ANAPC1: variants seen among roughly 807,000 people sequenced by gnomAD.
The protein encoded by ANAPC1 is anaphase-promoting complex subunit 1.
A neutral mutation model predicts 208.0 loss-of-function variants in ANAPC1; 36 were observed. That is an observed-to-expected ratio of 0.17 (90% CI 0.13 to 0.23). The LOEUF (loss-of-function observed/expected upper bound fraction) is 0.23, where lower values mean the gene tolerates loss of function less well. Among genes scored for constraint, ANAPC1 ranks in the 10% least tolerant of loss-of-function variants. The pLI is 1.00. For missense variants in ANAPC1, 942 were observed against 2,011.6 expected, an observed-to-expected ratio of 0.47 and a Z score of 10.17; for synonymous variants, 378 against 695.2, an observed-to-expected ratio of 0.54 and a Z score of 7.18.
At chr2:111,860,500 T>A (rs1681999806) in intron 10 of ANAPC1, among the ~76,000 whole-genome samples, 1 of 141,574 alleles carries the variant, frequency 7.1e-6, no homozygotes. Flanking sequence ...CTACCCCACT[T>A]TCCCCCGCCA....
chr2:111,826,666 T>TA (rs890977190), intron 21 of ANAPC1, among the ~76,000 whole-genome samples: 4 of 43,982 alleles, frequency 9.1e-5, no homozygotes, highest in South Asian at 5.1e-4. Context: ...TATTTATTTA[T>TA]TTTTTTTTTT....
At chr2:111,849,108 G>A (rs1345503336) in intron 14 of ANAPC1, among the ~76,000 whole-genome samples, 4 of 152,182 alleles carry the variant, frequency 2.6e-5, no homozygotes, top group Non-Finnish European at 5.9e-5. Context: ...TCAAGACTAA[G>A]ATGTATTTAC....
chr2:111,821,279 C>G lies in ANAPC1; in HGVS notation c.3166G>C (p.Glu1056Gln). 6.8e-6 allele frequency: 11 copies of G among 1,612,376 alleles called. No individual in the cohort carries two copies. The highest frequency in any genetic ancestry group is 9.3e-6 in the Non-Finnish European group (11 of 1,179,856). ...PVRVNVVQYP[E>Q]LSDHEFIEEK... ...TCGATGAACTCGTGGTCACTGAGCT[C>G]TGGGTACTGCACTACGTTGACACGG... The change falls in exon 26 of 48, where the codon GAG (glutamate) becomes CAG (glutamine). Residue 1056 changes from glutamate (E) to glutamine (Q), a missense_variant. Glu to Gln is a conservative substitution (Grantham distance 29, BLOSUM62 2). Transcript: ENST00000341068.
At chr2:111,823,312 T>C (rs1017827701) in intron 24 of ANAPC1, among the ~76,000 whole-genome samples, 1 of 152,008 alleles carries the variant, frequency 6.6e-6, no homozygotes, top group African/African-American at 2.4e-5. Flanking sequence ...CCACCGCGCC[T>C]GGCCCAAGCA....
intron 1 of ANAPC1, among the ~76,000 whole-genome samples, chr2:111,883,571 G>C (rs930006862): frequency 6.6e-6 from 1 of 151,802 alleles, no homozygotes; most frequent in African/African-American, 2.4e-5. Flanking sequence ...CACACTAACG[G>C]GAGCTTAAGT....
chr2:111,822,846 G>A lies in ANAPC1; in HGVS notation c.2813-246C>T, dbSNP rs1219661843. Among the ~76,000 whole-genome samples, 3 of 151,226 alleles carry A rather than the reference G, an allele frequency of 2.0e-5. No homozygotes were observed. The East Asian group carries it at 5.8e-4, about 29-fold the overall frequency. On this transcript the variant is annotated intron_variant, in intron 24 of 47. Coordinates refer to ENST00000341068, the MANE Select transcript of ANAPC1 (RefSeq NM_022662.4). ...AGGACAAAAAGACATTTCCTAGAAGGGGAAACATAAATGGGCAACATGCAT... is the reference window on the plus strand; with the variant it reads ...AGGACAAAAAGACATTTCCTAGAAGAGGAAACATAAATGGGCAACATGCAT...
intron 38 of ANAPC1, among the ~76,000 whole-genome samples, chr2:111,789,758 A>G (rs1677773399): frequency 1.3e-5 from 2 of 152,258 alleles, no homozygotes; most frequent in African/African-American, 2.4e-5. Context: ...CCATTTAAAA[A>G]CCAAAAATCA....
At chr2:111,835,805 G>A (rs569799916) in intron 18 of ANAPC1, among the ~76,000 whole-genome samples, 17 of 152,194 alleles carry the variant, frequency 1.1e-4, no homozygotes, top group African/African-American at 2.9e-4. Context: ...TCATGCCACT[G>A]CACTCCAGCC....
rs774332657 is a variant in ANAPC1, at chr2:111,858,414, C to T, written c.1263-13G>A. Reference sequence around the variant, plus strand: ...TGAATTTTTCTCTCTATAATAGATACATTAATAAAGTAACTGTCAGCACTG... The same window carrying T: ...TGAATTTTTCTCTCTATAATAGATATATTAATAAAGTAACTGTCAGCACTG... On this transcript the variant is annotated splice_polypyrimidine_tract_variant and intron_variant, in intron 10 of 47. Transcript: ENST00000341068. 4.4e-6 allele frequency: 7 copies of T among 1,596,152 alleles called. No individual in the cohort carries two copies. In the African/African-American group the frequency reaches 5.4e-5, roughly 12 times the overall value.
chr2:111,808,926 TCAGCACTATTAATCC>T lies in ANAPC1; in HGVS notation c.3832+6_3832+20del, dbSNP rs1678836668. On this transcript the variant is annotated splice_donor_region_variant and intron_variant, in intron 29 of 47. Coordinates refer to ENST00000341068, the MANE Select transcript of ANAPC1 (RefSeq NM_022662.4). ...GTGGAGAGTACATGCCTATGAAGAT[TCAGCACTATTAATCC>T]CATACCTATCTCAGCCAACAGGACT... The T allele has an allele frequency of 6.9e-7, 1 of 1,448,938 alleles. No homozygotes were observed. Among genetic ancestry groups the T allele is most frequent in the African/African-American group, 1.4e-5 (1 of 71,110 alleles). 89.8% of individuals were successfully genotyped at this position (1,448,938 alleles called of 1,614,324 possible). A position where few individuals can be genotyped will look rare whatever the true frequency, so the allele number is the denominator to read the frequency against.
At chr2:111,806,529 C>T (rs1362134634) in intron 29 of ANAPC1, among the ~76,000 whole-genome samples, 1 of 63,244 alleles carries the variant, frequency 1.6e-5, no homozygotes, top group African/African-American at 6.4e-5. Context: ...ACCATCTCAG[C>T]AACAACAACA....
chr2:111,857,843 C>G (rs1222947365), intron 11 of ANAPC1, among the ~76,000 whole-genome samples: 3 of 152,076 alleles, frequency 2.0e-5, no homozygotes, highest in Non-Finnish European at 4.4e-5. Context: ...GGTGGTAGAT[C>G]TATACAATGG....
chr2:111,815,171 T>C (rs1438526312), intron 28 of ANAPC1, among the ~76,000 whole-genome samples, 199 bp downstream of exon 28: 1 of 112,678 alleles, frequency 8.9e-6, no homozygotes, highest in Non-Finnish European at 1.8e-5. Context: ...AAAAAAGCAA[T>C]GGGAGATCAT....
intron 6 of ANAPC1, among the ~76,000 whole-genome samples, chr2:111,871,758 A>T (rs1311339538): frequency 2.0e-5 from 3 of 152,216 alleles, no homozygotes; most frequent in African/African-American, 7.2e-5. Flanking sequence ...GTCTCAAAAA[A>T]AAAGAGACTG....
At chr2:111,845,831 C>T (rs10779879) in intron 16 of ANAPC1, among the ~76,000 whole-genome samples, 28,276 of 151,624 alleles carry the variant, frequency 0.19, 2,941 homozygotes, top group Middle Eastern at 0.29. Context: ...AAAAATTAGC[C>T]GGGCGTGGTG....
chr2:111,792,032 G>A (rs998320351), intron 38 of ANAPC1, among the ~76,000 whole-genome samples: 2 of 151,954 alleles, frequency 1.3e-5, no homozygotes, highest in Admixed American at 1.3e-4. Flanking sequence ...AAACGATTTT[G>A]TTTGTGACCT....
rs552953792 is a variant in ANAPC1, at chr2:111,772,332, T to G, written c.5719+9A>C. On this transcript the variant is annotated intron_variant, in intron 47 of 47. Coordinates refer to ENST00000341068, the MANE Select transcript of ANAPC1 (RefSeq NM_022662.4). Reference sequence around the variant, plus strand: ...AGTTACTGAAGATAAGACTTAGATATGCAATTACCTTCTAGTCCTATAGGT... The same window carrying G: ...AGTTACTGAAGATAAGACTTAGATAGGCAATTACCTTCTAGTCCTATAGGT... 6.2e-6 allele frequency: 10 copies of G among 1,613,544 alleles called. No individual in the cohort carries two copies. The highest frequency in any genetic ancestry group is 8.5e-6 in the Non-Finnish European group (10 of 1,179,828).
In ANAPC1 at chr2:111,864,793, C is replaced by A; in HGVS notation, c.831+13G>T. On this transcript the variant is annotated intron_variant, in intron 8 of 47. Transcript: ENST00000341068. ...TTTCCTATTAAGGAGAAGTGACTTG[C>A]CTTTCTCCTTACCTCTGATTTGACT... 1 of 1,610,456 alleles carries A rather than the reference C, an allele frequency of 6.2e-7. No homozygotes were observed. Among genetic ancestry groups the A allele is most frequent in the African/African-American group, 1.3e-5 (1 of 74,786 alleles).
chr2:111,878,512 CTCT>C (rs1205392849), intron 3 of ANAPC1, among the ~76,000 whole-genome samples: 19 of 152,206 alleles, frequency 1.2e-4, no homozygotes, highest in African/African-American at 4.3e-4. Context: ...TATTTCTGTA[CTCT>C]TCATGTTTTA....
Sources: gnomAD v4.1 joint callset for allele counts (sites outside exome capture counted in the v4.1 genomes callset) on GRCh38, gnomAD v4.1.1 for gene constraint, MANE v1.5 for transcripts, NCBI Gene and HGNC (gene_info 2026-07-23, HGNC 2026-07-21) for gene names.